ANKRD30A: variants seen among roughly 807,000 people sequenced by gnomAD.
ANKRD30A encodes ankyrin repeat domain 30A, also known as ankyrin repeat domain-containing protein 30A.
In ANKRD30A, 170 loss-of-function variants were observed where a neutral mutation model predicts 166.3. That is an observed-to-expected ratio of 1.02 (90% CI 0.90 to 1.16). The LOEUF is 1.16. Among genes scored for constraint, ANKRD30A ranks in the 50% most tolerant of loss-of-function variants. The pLI, the probability that ANKRD30A is intolerant of heterozygous loss-of-function variation, is 0.00. For synonymous variants in ANKRD30A, 564 were observed against 508.9 expected (o/e 1.11, Z -1.46); for missense variants, 1,630 against 1,518.0 (o/e 1.07, Z -1.23).
At chr10:37,139,738 T>C (rs537481506) in intron 6 of ANKRD30A, among the ~76,000 whole-genome samples, 25 of 152,300 alleles carry the variant, frequency 1.6e-4, no homozygotes, top group African/African-American at 5.5e-4. Context: ...GATTGATTGA[T>C]TGATTGTAGA....
At chr10:37,146,920 G>A (rs1404711109) in intron 8 of ANKRD30A, among the ~76,000 whole-genome samples, 2 of 152,014 alleles carry the variant, frequency 1.3e-5, no homozygotes, top group East Asian at 1.9e-4. Flanking sequence ...CAAACTTCTC[G>A]GCCTTCCAAG....
chr10:37,217,216 T>C (rs970259713), intron 32 of ANKRD30A, among the ~76,000 whole-genome samples: 1 of 150,950 alleles, frequency 6.6e-6, no homozygotes, highest in Admixed American at 6.6e-5. Context: ...GAGATTTTAA[T>C]ATTAAAATTA....
At chr10:37,162,406 A>G (rs1200879) in intron 15 of ANKRD30A, among the ~76,000 whole-genome samples, 152,300 of 152,308 alleles carry the variant, frequency 1, 76,146 homozygotes, top group Middle Eastern at 1. Context: ...CTTTATACAC[A>G]TGAAACACAA....
At chr10:37,151,439 T>C (rs1318872334) in intron 11 of ANKRD30A, among the ~76,000 whole-genome samples, 4 of 152,128 alleles carry the variant, frequency 2.6e-5, no homozygotes, top group African/African-American at 9.6e-5. Flanking sequence ...AGGGAAGAAG[T>C]ATGTCATTGT....
At chr10:37,194,031 C>G (rs1305061337) in intron 27 of ANKRD30A, among the ~76,000 whole-genome samples, 2 of 152,074 alleles carry the variant, frequency 1.3e-5, no homozygotes, top group African/African-American at 2.4e-5. Context: ...CCCATCTCTA[C>G]TAAACATAAC....
chr10:37,197,203 GAT>G, intron 27 of ANKRD30A, 76 bp from the exon 28 acceptor site: 2 of 1,561,116 alleles, frequency 1.3e-6, no homozygotes, highest in South Asian at 1.1e-5. Context: ...GAGTCAGTTA[GAT>G]ACTATCACGG....
chr10:37,229,618 A>G (rs1355701421), intron 34 of ANKRD30A, among the ~76,000 whole-genome samples: 2 of 151,948 alleles, frequency 1.3e-5, no homozygotes, highest in African/African-American at 4.8e-5. Context: ...GTTATTAGCT[A>G]TTATCAATTT....
intron 33 of ANKRD30A, 136 bp from the exon 34 acceptor site, chr10:37,218,844 C>A: frequency 1.7e-6 from 1 of 581,858 alleles, no homozygotes; most frequent in Non-Finnish European, 3.0e-6. Flanking sequence ...AGTTTTGATT[C>A]AGTGGTTCTT....
At chr10:37,233,793 T>C (rs1337871428), downstream of ANKRD30A, among the ~76,000 whole-genome samples, 1 of 152,018 alleles carries the variant, frequency 6.6e-6, no homozygotes, top group South Asian at 2.1e-4. Flanking sequence ...TAATACTACT[T>C]TGAGAGGTGG....
chr10:37,235,617 A>G (rs1843635747), downstream of ANKRD30A, among the ~76,000 whole-genome samples: 1 of 152,168 alleles, frequency 6.6e-6, no homozygotes, highest in South Asian at 2.1e-4. Context: ...TCAAAAAGAC[A>G]AAAGACAATA....
At chr10:37,150,374 T>C (rs1169233429) in intron 11 of ANKRD30A, among the ~76,000 whole-genome samples, 2 of 151,964 alleles carry the variant, frequency 1.3e-5, no homozygotes, top group African/African-American at 4.8e-5. Flanking sequence ...ATGTGTTTGG[T>C]ACCTTTACCT....
intron 31 of ANKRD30A, among the ~76,000 whole-genome samples, chr10:37,209,297 C>T (rs760293519): frequency 3.3e-5 from 5 of 152,054 alleles, no homozygotes; most frequent in Non-Finnish European, 5.9e-5. Flanking sequence ...ATTTCATTGG[C>T]GCACAGTTCT....
chr10:37,235,152 A>G (rs1843615669), downstream of ANKRD30A, among the ~76,000 whole-genome samples: 1 of 152,150 alleles, frequency 6.6e-6, no homozygotes, highest in South Asian at 2.1e-4. Flanking sequence ...CCACTTTTTT[A>G]TCTACTTAGC....
chr10:37,133,799 T>A (rs955682257), intron 4 of ANKRD30A, 117 bp from the exon 5 acceptor site: 3 of 1,240,818 alleles, frequency 2.4e-6, no homozygotes, highest in African/African-American at 3.0e-5. Context: ...GGATAAACAC[T>A]TGAGCACTCA....
At chr10:37,137,932 C>G (rs572574462) in intron 6 of ANKRD30A, among the ~76,000 whole-genome samples, 2 of 152,338 alleles carry the variant, frequency 1.3e-5, no homozygotes, top group East Asian at 3.9e-4. Flanking sequence ...ACTGCCTCCT[C>G]AAGTGGGTCC....
intron 13 of ANKRD30A, among the ~76,000 whole-genome samples, chr10:37,156,487 GGA>G (rs1838394124): frequency 2.0e-5 from 3 of 152,148 alleles, no homozygotes; most frequent in Admixed American, 6.5e-5. Flanking sequence ...ACCTTACATA[GGA>G]TTCTTAAGTG....
intron 34 of ANKRD30A, among the ~76,000 whole-genome samples, chr10:37,220,691 G>T (rs865950106): frequency 6.6e-6 from 1 of 151,040 alleles, no homozygotes; most frequent in African/African-American, 2.4e-5. Flanking sequence ...AAGGCTCAAA[G>T]ATTATCATGT....
chr10:37,128,474 A>G (rs2132502821), intron 1 of ANKRD30A, among the ~76,000 whole-genome samples: 1 of 152,066 alleles, frequency 6.6e-6, no homozygotes, highest in South Asian at 2.1e-4. Flanking sequence ...ATTTTATTAG[A>G]CACATATTTT....
chr10:37,200,761 T>C (rs1286041790), intron 30 of ANKRD30A, among the ~76,000 whole-genome samples: 1 of 152,134 alleles, frequency 6.6e-6, no homozygotes, highest in Non-Finnish European at 1.5e-5. Flanking sequence ...ACATACATTC[T>C]ATGACAGACT....
Sources: gnomAD v4.1 joint callset for allele counts (sites outside exome capture counted in the v4.1 genomes callset) on GRCh38, gnomAD v4.1.1 for gene constraint, MANE v1.5 for transcripts, NCBI Gene and HGNC (gene_info 2026-07-23, HGNC 2026-07-21) for gene names.